RRN3: variants seen among roughly 807,000 people sequenced by gnomAD.
The protein encoded by RRN3 is RNA polymerase I-specific transcription initiation factor RRN3.
In RRN3, 38 loss-of-function variants were observed where a neutral mutation model predicts 82.3. The observed-to-expected ratio is 0.46, with a 90% CI of 0.36 to 0.61. RRN3 has a LOEUF of 0.61. RRN3 is among the 20% of genes least tolerant of loss of function. The pLI, the probability that RRN3 is intolerant of heterozygous loss-of-function variation, is 0.00. For synonymous variants in RRN3, 284 were observed against 284.3 expected (o/e 1.00, Z 0.01); for missense variants, 726 against 793.1 (o/e 0.92, Z 1.02).
chr16:15,072,225 T>G (rs1422829910), intron 12 of RRN3, among the ~76,000 whole-genome samples: 1 of 138,852 alleles, frequency 7.2e-6, no homozygotes, highest in Non-Finnish European at 1.6e-5. Flanking sequence ...AGGAAAAGCC[T>G]TCTACATTCT....
intron 3 of RRN3, 122 bp downstream of exon 3, chr16:15,091,193 T>C: frequency 1.7e-6 from 2 of 1,195,428 alleles, no homozygotes; most frequent in Non-Finnish European, 2.3e-6. Context: ...AACCACCAGA[T>C]TAAAATAAGG....
At chr16:15,080,212 A>G in intron 8 of RRN3, 116 bp from the exon 9 acceptor site, 2 of 1,294,360 alleles carry the variant, frequency 1.5e-6, no homozygotes, top group Non-Finnish European at 2.1e-6. Flanking sequence ...AGAAAAAAAC[A>G]GACTATCCAG....
In RRN3 at chr16:15,061,374, A is replaced by C. The variant is rs1049319762; in HGVS notation, c.*370T>G. 7 of 213,134 alleles carry C rather than the reference A, an allele frequency of 3.3e-5. No homozygotes were observed. Among genetic ancestry groups the C allele is most frequent in the Non-Finnish European group, 6.5e-5 (7 of 108,470 alleles). 13.2% of individuals were successfully genotyped at this position (213,134 alleles called of 1,614,324 possible). A position where few individuals can be genotyped will look rare whatever the true frequency, so the allele number is the denominator to read the frequency against. On this transcript the variant is annotated 3_prime_UTR_variant, in exon 18 of 18. Coordinates refer to ENST00000198767, the MANE Select transcript of RRN3 (RefSeq NM_018427.5). ...GTCCTAAGACCATGGATCTGACAAAAACCCATGTTAAAACAGCAACCCGTA... is the reference window on the plus strand; with the variant it reads ...GTCCTAAGACCATGGATCTGACAAACACCCATGTTAAAACAGCAACCCGTA...
chr16:15,074,829 C>T lies in RRN3; in HGVS notation c.891G>A (p.Lys297=). The T allele has an allele frequency of 1.2e-6, 2 of 1,613,050 alleles. No individual in the cohort carries two copies. The highest frequency in any genetic ancestry group is 1.7e-6 in the Non-Finnish European group (2 of 1,179,552). ...TCTGGTCGAGCCGTTCAGGACCAGC[C>T]TTTGTTTCATGTTCAGTTTCTTCAT... The part of the protein sequence containing the change: ...DEDEETEHET[K]AGPERLDQMV... The change falls in exon 11 of 18, where the codon AAG becomes AAA. Residue 297 remains lysine (K), a synonymous_variant. Transcript: ENST00000198767.
At chr16:15,088,234 G>A (rs900164012) in intron 3 of RRN3, among the ~76,000 whole-genome samples, 8 of 152,184 alleles carry the variant, frequency 5.3e-5, no homozygotes, top group African/African-American at 1.7e-4. Flanking sequence ...GCACTTTTGG[G>A]AGGCCAAGGC....
intron 12 of RRN3, 55 bp downstream of exon 12, chr16:15,072,895 A>G: frequency 1.3e-6 from 2 of 1,592,734 alleles, no homozygotes; most frequent in Non-Finnish European, 1.7e-6. Context: ...TTTAGGGAAA[A>G]TTTTTGGGCA....
chr16:15,080,611 T>C (rs1162783165), intron 8 of RRN3, among the ~76,000 whole-genome samples: 2 of 152,138 alleles, frequency 1.3e-5, no homozygotes, highest in East Asian at 1.9e-4. Flanking sequence ...TTTTTCCTTT[T>C]AGAGAGACAT....
Position 15,086,382 on chromosome 16 carries a change from G to A in RRN3, c.325C>T (p.Leu109Phe), listed in dbSNP as rs753773707. The A allele has an allele frequency of 6.2e-7, 1 of 1,613,728 alleles. No individual in the cohort carries two copies. Among genetic ancestry groups the A allele is most frequent in the African/African-American group, 1.3e-5 (1 of 75,034 alleles). Residue 109 changes from leucine (L) to phenylalanine (F), a missense_variant, in exon 4 of 18, where the codon CTT becomes TTT. This residue lies in a region of RRN3 where 344 missense variants were observed against 394.5 expected (regional missense o/e 0.87). Transcript: ENST00000198767. ...IMYLTKDFEQ[L>F]ISIILRLPWL... ...GAACTTACTAATATAATACTGATAA[G>A]TTGCTCAAAGTCTTTTGTCAAGTAC... is the stretch of plus-strand genomic sequence containing the variant.
chr16:15,087,572 T>C (rs1274814323), intron 3 of RRN3, among the ~76,000 whole-genome samples: 1 of 152,096 alleles, frequency 6.6e-6, no homozygotes, highest in African/African-American at 2.4e-5. Flanking sequence ...CTCCCACAGA[T>C]CAACCATTTT....
intron 3 of RRN3, among the ~76,000 whole-genome samples, chr16:15,089,518 T>A (rs2046033440): frequency 6.6e-6 from 1 of 151,760 alleles, no homozygotes; most frequent in South Asian, 2.1e-4. Context: ...AAAGGATCAC[T>A]GGCCGGGCGT....
intron 10 of RRN3, among the ~76,000 whole-genome samples, chr16:15,075,178 G>A (rs2045398315): frequency 1.3e-5 from 2 of 151,780 alleles, no homozygotes; most frequent in Admixed American, 6.6e-5. Flanking sequence ...TGAACTGGGA[G>A]GTGGAGGAGG....
At chr16:15,089,786 C>CAAAAAAAAAA (rs142235345) in intron 3 of RRN3, among the ~76,000 whole-genome samples, 7 of 66,580 alleles carry the variant, frequency 1.1e-4, no homozygotes, top group African/African-American at 1.4e-4. Flanking sequence ...GGCGACAGAG[C>CAAAAAAAAAA]AAAAAAAAAA....
In RRN3 at chr16:15,092,558, G is replaced by C; in HGVS notation, c.146C>G (p.Thr49Ser). 6.2e-7 allele frequency: 1 copy of C among 1,613,652 alleles called. No homozygotes were observed. The highest frequency in any genetic ancestry group is 8.5e-7 in the Non-Finnish European group (1 of 1,179,622). The stretch of plus-strand genomic sequence containing the variant: ...TGTCACAGTTCCACCAAACCGAACA[G>C]TTTTTCTTGGGGGAGAATTGAAAAA... ...NDFFNSPPRK[T>S]VRFGGTVTEV... Residue 49 changes from threonine to serine, a missense_variant, in exon 2 of 18, where the codon ACT becomes AGT. By Grantham distance (58) the Thr-to-Ser change is moderately conservative (BLOSUM62 1). Transcript: ENST00000198767.
At chr16:15,089,572 G>C (rs534426592) in intron 3 of RRN3, among the ~76,000 whole-genome samples, 1 of 151,978 alleles carries the variant, frequency 6.6e-6, no homozygotes, top group Non-Finnish European at 1.5e-5. Flanking sequence ...AGGCCAAGGC[G>C]GGCGGATCAC....
intron 8 of RRN3, among the ~76,000 whole-genome samples, chr16:15,081,717 G>A (rs2045710944): frequency 6.6e-6 from 1 of 152,074 alleles, no homozygotes; most frequent in African/African-American, 2.4e-5. Flanking sequence ...GGTTGCTTGT[G>A]CTTAGGCATC....
In RRN3 at chr16:15,089,354, C is replaced by T. The variant is rs142765737; in HGVS notation, c.252+1961G>A. ...CCACAAGAGCAATCTTGGCTACAGACACAAATATATTAGGACACAGGTAGA... is the reference window on the plus strand; with the variant it reads ...CCACAAGAGCAATCTTGGCTACAGATACAAATATATTAGGACACAGGTAGA... On this transcript the variant is annotated intron_variant, in intron 3 of 17. Transcript: ENST00000198767. 5.4e-3 allele frequency among the ~76,000 whole-genome samples: 817 copies of T among 152,066 alleles called. 7 individuals carry two copies. Among genetic ancestry groups the T allele is most frequent in the African/African-American group, 0.018 (763 of 41,478 alleles).
At chr16:15,066,257 C>A (rs2044967689) in intron 15 of RRN3, among the ~76,000 whole-genome samples, 1 of 152,192 alleles carries the variant, frequency 6.6e-6, no homozygotes, top group Non-Finnish European at 1.5e-5. Context: ...GCATCTCCTA[C>A]AACCCCGCAG....
At position 15,083,590 on chromosome 16, in the gene RRN3, T is replaced by G; in HGVS notation, c.597-8A>C. ...ATGAGAAACCACGGTGTCCTATTTTTAAAAAATTAAATCAATCCATGTTAA... is the reference window on the plus strand; with the variant it reads ...ATGAGAAACCACGGTGTCCTATTTTGAAAAAATTAAATCAATCCATGTTAA... On this transcript the variant is annotated splice_polypyrimidine_tract_variant and splice_region_variant and intron_variant, in intron 7 of 17. Transcript: ENST00000198767. The G allele has an allele frequency of 6.3e-7, 1 of 1,595,492 alleles. No individual in the cohort carries two copies. Among genetic ancestry groups the G allele is most frequent in the South Asian group, 1.1e-5 (1 of 87,378 alleles).
chr16:15,065,251 G>A lies in RRN3; in HGVS notation c.1674C>T (p.Thr558=). 1 of 1,613,864 alleles carries A rather than the reference G, an allele frequency of 6.2e-7. No individual in the cohort carries two copies. The highest frequency in any genetic ancestry group is 8.5e-7 in the Non-Finnish European group (1 of 1,179,816). Residue 558 remains threonine (T), a synonymous_variant, in exon 16 of 18, where the codon ACC becomes ACT. Coordinates refer to ENST00000198767, the MANE Select transcript of RRN3 (RefSeq NM_018427.5). ...SVQICTNPLD[T]FFPFDPCVLK... ...GCACACAGGGATCAAAGGGGAAGAA[G>A]GTGTCCAGCGGGTTTGTGCAGATCT...
Sources: gnomAD v4.1 joint callset for allele counts (sites outside exome capture counted in the v4.1 genomes callset) on GRCh38, gnomAD v4.1.1 for gene constraint, gnomAD v4.1.1 regional missense constraint, MANE v1.5 for transcripts, NCBI Gene and HGNC (gene_info 2026-07-23, HGNC 2026-07-21) for gene names.